Variants in FOXO1 observed in about 807,000 individuals in gnomAD.
FOXO1 encodes forkhead box O1.
FOXO1 carries 6 observed loss-of-function variants against 44.1 expected under a neutral mutation model. That is an observed-to-expected ratio of 0.14 (90% CI 0.07 to 0.27). FOXO1 has a LOEUF of 0.27. Among genes scored for constraint, FOXO1 ranks in the 10% least tolerant of loss-of-function variants. The pLI is 1.00. For missense variants in FOXO1, 737 were observed against 888.8 expected (o/e 0.83, Z 2.17); for synonymous variants, 380 against 362.7 (o/e 1.05, Z -0.54).
chr13:40,633,613 T>C (rs1877048182), intron 1 of FOXO1, among the ~76,000 whole-genome samples: 1 of 152,082 alleles, frequency 6.6e-6, no homozygotes. Flanking sequence ...TAGGGAGATA[T>C]GGGAAGAATG....
chr13:40,596,235 T>TGA (rs1875573585), intron 1 of FOXO1, among the ~76,000 whole-genome samples: 1 of 152,214 alleles, frequency 6.6e-6, no homozygotes, highest in Non-Finnish European at 1.5e-5. Context: ...CCGAATGGGA[T>TGA]GATTTTCAGG....
At chr13:40,652,529 T>C (rs1170497691) in intron 1 of FOXO1, among the ~76,000 whole-genome samples, 1 of 152,160 alleles carries the variant, frequency 6.6e-6, no homozygotes, top group African/African-American at 2.4e-5. Flanking sequence ...TGAGCCACCG[T>C]GCCGGCCCAA....
chr13:40,634,214 C>T, intron 1 of FOXO1, among the ~76,000 whole-genome samples: 1 of 152,134 alleles, frequency 6.6e-6, no homozygotes, highest in East Asian at 1.9e-4. Context: ...ACGACAAATT[C>T]CCTTTAGTTT....
chr13:40,612,367 G>C (rs1566075393), intron 1 of FOXO1, among the ~76,000 whole-genome samples: 1 of 152,290 alleles, frequency 6.6e-6, no homozygotes, highest in East Asian at 1.9e-4. Flanking sequence ...CAGCTACGAA[G>C]ATAAAGTGCC....
Position 40,666,100 on chromosome 13 carries a change from G to A in FOXO1, c.113C>T (p.Ala38Val), listed in dbSNP as rs956635931. The change falls in exon 1 of 3, where the codon GCC becomes GTC. Residue 38 changes from alanine to valine, a missense_variant. Ala to Val is a moderately conservative substitution (Grantham distance 64). Transcript: ENST00000379561. ...GCCCGACGGCGCCGGGCTGGAGGTG[G>A]CCGAGTTGGACTGGCTAAACTCCGG... is the stretch of plus-strand genomic sequence containing the variant. ...PRPEFSQSNS[A>V]TSSPAPSGSA... The A allele has an allele frequency of 6.4e-6, 9 of 1,396,724 alleles. No individual in the cohort carries two copies. The African/African-American group carries it at 9.0e-5, about 14-fold the overall frequency. 86.5% of individuals were successfully genotyped at this position (1,396,724 alleles called of 1,614,324 possible). A position where few individuals can be genotyped will look rare whatever the true frequency, so the allele number is the denominator to read the frequency against.
intron 1 of FOXO1, among the ~76,000 whole-genome samples, chr13:40,638,616 C>T (rs1303866628): frequency 6.6e-6 from 1 of 151,980 alleles, no homozygotes; most frequent in Non-Finnish European, 1.5e-5. Context: ...CAGAGAAATC[C>T]CATTCAATTG....
chr13:40,598,876 T>C (rs1411792316), intron 1 of FOXO1, among the ~76,000 whole-genome samples: 2 of 152,244 alleles, frequency 1.3e-5, no homozygotes, highest in African/African-American at 4.8e-5. Context: ...TTATTTCATT[T>C]TCACAGCTCA....
chr13:40,630,044 C>CCA (rs888252402), intron 1 of FOXO1, among the ~76,000 whole-genome samples: 2 of 152,136 alleles, frequency 1.3e-5, no homozygotes, highest in Non-Finnish European at 2.9e-5. Flanking sequence ...ATAATGCCCA[C>CCA]CACTTCAAAA....
rs994117986 is a variant in FOXO1, at chr13:40,607,832, C to A, written c.631-46972G>T. On this transcript the variant is annotated intron_variant, in intron 1 of 2. Coordinates refer to ENST00000379561, the MANE Select transcript of FOXO1 (RefSeq NM_002015.4). ...AGAAAGAACTAAGGAGACGGGCTAG[C>A]CCAGTATCTTCATTTTACAGAACAA... 2.0e-5 allele frequency among the ~76,000 whole-genome samples: 3 copies of A among 152,218 alleles called. No homozygotes were observed. The East Asian group carries it at 5.8e-4, about 29-fold the overall frequency.
At position 40,606,289 on chromosome 13, in the gene FOXO1, G is replaced by GTTTC. The variant is rs780299516; in HGVS notation, c.631-45433_631-45430dup. Among the ~76,000 whole-genome samples, 72 of 152,070 alleles carry GTTTC rather than the reference G, an allele frequency of 4.7e-4. 1 individual carries two copies. Among genetic ancestry groups the GTTTC allele is most frequent in the Admixed American group, 3.9e-3 (60 of 15,282 alleles). On this transcript the variant is annotated intron_variant, in intron 1 of 2. Coordinates refer to ENST00000379561, the MANE Select transcript of FOXO1 (RefSeq NM_002015.4). ...CAGGGACCAGCAACATGGTTGGTTG[G>GTTTC]TTTCTTTCTTTCTTTTTCTTTCTTT...
intron 1 of FOXO1, among the ~76,000 whole-genome samples, chr13:40,641,056 T>C (rs1170313140): frequency 1.3e-5 from 2 of 152,198 alleles, no homozygotes; most frequent in Non-Finnish European, 2.9e-5. Flanking sequence ...AGTGCTAGGA[T>C]TACAGGCGTG....
At chr13:40,632,569 C>T (rs1311644685) in intron 1 of FOXO1, among the ~76,000 whole-genome samples, 4 of 150,788 alleles carry the variant, frequency 2.7e-5, no homozygotes, top group East Asian at 2.0e-4. Context: ...GCCCGGGAGG[C>T]GGAGGTTGCA....
chr13:40,620,762 A>C (rs1362317618), intron 1 of FOXO1, among the ~76,000 whole-genome samples: 2 of 147,088 alleles, frequency 1.4e-5, no homozygotes, highest in African/African-American at 2.5e-5. Context: ...AATTCAAATG[A>C]TTTAGTCAAA....
chr13:40,560,828 G>C lies in FOXO1; in HGVS notation c.663C>G (p.Ser221Arg). Residue 221 changes from serine (S) to arginine (R), a missense_variant, in exon 2 of 3, where the codon AGC becomes AGG. Ser to Arg is a moderately radical substitution (Grantham distance 110). Around this residue, in one of 7 missense-constraint regions of FOXO1, gnomAD observed 8 missense variants for 31.2 expected, o/e 0.26. Coordinates refer to ENST00000379561, the MANE Select transcript of FOXO1 (RefSeq NM_002015.4). This position sits in a 1 kb window ranked among gnomAD's most constrained non-coding sequence, Gnocchi z 5.1. ...CTTCATTCTGCACACGAATGAACTTGCTGTGTAGGGACAGATTATGACGAA... is the reference window on the plus strand; with the variant it reads ...CTTCATTCTGCACACGAATGAACTTCCTGTGTAGGGACAGATTATGACGAA... The part of the protein sequence containing the change: ...NSIRHNLSLH[S>R]KFIRVQNEGT... The C allele has an allele frequency of 6.2e-7, 1 of 1,613,330 alleles. No homozygotes were observed.
At chr13:40,583,689 G>T (rs935722799) in intron 1 of FOXO1, among the ~76,000 whole-genome samples, 1 of 152,148 alleles carries the variant, frequency 6.6e-6, no homozygotes, top group African/African-American at 2.4e-5. Context: ...TTACGGCCTT[G>T]CTCTGAACAT....
In FOXO1 at chr13:40,558,887, C is replaced by T. The variant is rs562596600; in HGVS notation, c.*162G>A. ...CTGTACAGGAAAAATGTCTTTGCTG[C>T]CAAGTCTGACGAAAGGAAAAAAGGA... is the stretch of plus-strand genomic sequence containing the variant. On this transcript the variant is annotated 3_prime_UTR_variant, in exon 3 of 3. Coordinates refer to ENST00000379561, the MANE Select transcript of FOXO1 (RefSeq NM_002015.4). 5.3e-5 allele frequency: 21 copies of T among 398,286 alleles called. No individual in the cohort carries two copies. The highest frequency in any genetic ancestry group is 3.9e-4 in the African/African-American group (19 of 48,462). 24.7% of individuals were successfully genotyped at this position (398,286 alleles called of 1,614,324 possible).
At chr13:40,584,998 T>C (rs1875102573) in intron 1 of FOXO1, among the ~76,000 whole-genome samples, 1 of 152,230 alleles carries the variant, frequency 6.6e-6, no homozygotes. Flanking sequence ...TAGATTCTGA[T>C]TTAACAAGAG....
chr13:40,565,814 T>C (rs376158112), intron 1 of FOXO1, among the ~76,000 whole-genome samples: 2 of 152,232 alleles, frequency 1.3e-5, no homozygotes, highest in East Asian at 3.8e-4. Context: ...ATAACATATG[T>C]CTGTGTTTTA....
chr13:40,599,779 G>C (rs1239287008), intron 1 of FOXO1, among the ~76,000 whole-genome samples: 2 of 152,262 alleles, frequency 1.3e-5, no homozygotes, highest in South Asian at 2.1e-4. Flanking sequence ...CCTTTCAGAT[G>C]GTGAGTGGTC....
Sources: gnomAD v4.1 joint callset for allele counts (sites outside exome capture counted in the v4.1 genomes callset) on GRCh38, gnomAD v4.1.1 for gene constraint, gnomAD v4.1.1 regional missense constraint, Gnocchi (gnomAD v3.1) non-coding constraint, MANE v1.5 for transcripts, NCBI Gene and HGNC (gene_info 2026-07-23, HGNC 2026-07-21) for gene names.